Variants in THSD4 observed in about 807,000 individuals in gnomAD.
THSD4 encodes thrombospondin type 1 domain containing 4.
THSD4 carries 69 observed loss-of-function variants against 119.0 expected under a neutral mutation model. The ratio of observed to expected loss-of-function variants is 0.58; its 90% CI spans 0.48 to 0.71. The LOEUF is 0.71. Among genes scored for constraint, THSD4 ranks in the 30% least tolerant of loss-of-function variants. The probability of loss-of-function intolerance (pLI) is 0.00; values close to 1 mark genes in which losing one functional copy is unlikely to be tolerated. For synonymous variants in THSD4, 524 were observed against 540.4 expected (o/e 0.97, Z 0.42); for missense variants, 1,393 against 1,391.1 (o/e 1.00, Z -0.02).
intron 6 of THSD4, among the ~76,000 whole-genome samples, chr15:71,362,278 C>CA (rs1340918673): frequency 6.6e-6 from 1 of 151,838 alleles, no homozygotes; most frequent in Non-Finnish European, 1.5e-5. Context: ...GACTAAGTCT[C>CA]AAAAAAAATT....
At chr15:71,746,762 C>A in intron 12 of THSD4, 76 bp from the exon 13 acceptor site, 2 of 1,449,428 alleles carry the variant, frequency 1.4e-6, no homozygotes, top group South Asian at 2.3e-5. Context: ...ATTCTGTGTA[C>A]GCTGCTGCGG....
At chr15:71,192,721 T>C (rs1315029423) in intron 3 of THSD4, among the ~76,000 whole-genome samples, 1 of 152,194 alleles carries the variant, frequency 6.6e-6, no homozygotes, top group Non-Finnish European at 1.5e-5. Flanking sequence ...CATGCTTCCT[T>C]GCTAGAGCTG....
At chr15:71,644,870 G>C (rs932368450) in intron 7 of THSD4, among the ~76,000 whole-genome samples, 3 of 152,030 alleles carry the variant, frequency 2.0e-5, no homozygotes, top group African/African-American at 7.2e-5. Flanking sequence ...CCTCAGCTCA[G>C]GGGTAATGCC....
intron 7 of THSD4, among the ~76,000 whole-genome samples, chr15:71,550,281 C>G (rs2048907240): frequency 6.6e-6 from 1 of 152,162 alleles, no homozygotes. Context: ...GGGAGGCTTG[C>G]ATTTTCTTTC....
chr15:71,563,338 A>G (rs1183475421), intron 7 of THSD4, among the ~76,000 whole-genome samples: 1 of 152,102 alleles, frequency 6.6e-6, no homozygotes, highest in Non-Finnish European at 1.5e-5. Flanking sequence ...CTCTGTTAGT[A>G]CCCTGAAGGC....
chr15:71,370,825 C>T lies in THSD4; in HGVS notation c.1016-40862C>T, dbSNP rs187918858. Among the ~76,000 whole-genome samples the T allele has an allele frequency of 1.1e-4, 16 of 152,290 alleles. No individual in the cohort carries two copies. In the East Asian group the frequency reaches 2.9e-3, roughly 28 times the overall value. Reference sequence around the variant, plus strand: ...CTTGGTGCAGAGCTGAGTTCAATTCCTGGATATCCTTGTTAACTTTGTCTC... The same window carrying T: ...CTTGGTGCAGAGCTGAGTTCAATTCTTGGATATCCTTGTTAACTTTGTCTC... On this transcript the variant is annotated intron_variant, in intron 6 of 17. Transcript: ENST00000261862.
intron 1 of THSD4, among the ~76,000 whole-genome samples, chr15:71,118,995 C>T (rs1013846327): frequency 3.3e-5 from 5 of 152,224 alleles, no homozygotes; most frequent in African/African-American, 7.2e-5. Flanking sequence ...CTTCTGTGCC[C>T]ACAGCCTCGC....
intron 16 of THSD4, 152 bp from the exon 17 acceptor site, chr15:71,770,912 T>G: frequency 8.8e-7 from 1 of 1,131,864 alleles, no homozygotes; most frequent in East Asian, 2.5e-5. Context: ...GAGTTGCTGA[T>G]TGTTGAAGCT....
chr15:71,582,516 A>G (rs2049579354), intron 7 of THSD4, among the ~76,000 whole-genome samples: 1 of 151,964 alleles, frequency 6.6e-6, no homozygotes, highest in African/African-American at 2.4e-5. Context: ...GTTCAGTATT[A>G]TGTTGAATAG....
intron 7 of THSD4, among the ~76,000 whole-genome samples, chr15:71,521,623 G>A (rs28628269): frequency 0.057 from 8,680 of 152,190 alleles, 707 homozygotes; most frequent in African/African-American, 0.18. Context: ...CCAAATGGCC[G>A]TGAGTAAGAA....
At chr15:71,677,304 G>A (rs993673933) in intron 8 of THSD4, among the ~76,000 whole-genome samples, 1 of 152,286 alleles carries the variant, frequency 6.6e-6, no homozygotes. Flanking sequence ...TGGTAGATGA[G>A]GAAAGTGATC....
chr15:71,323,989 G>A (rs144307440), intron 6 of THSD4, among the ~76,000 whole-genome samples: 47 of 152,146 alleles, frequency 3.1e-4, no homozygotes, highest in African/African-American at 1.0e-3. Flanking sequence ...TTTCTCATGC[G>A]GCACTCATCT....
intron 7 of THSD4, among the ~76,000 whole-genome samples, chr15:71,555,971 CTA>C (rs1396786609): frequency 1.3e-5 from 2 of 152,116 alleles, no homozygotes; most frequent in African/African-American, 4.8e-5. Flanking sequence ...ATATATATGT[CTA>C]TCTTTTTCTG....
intron 6 of THSD4, among the ~76,000 whole-genome samples, chr15:71,409,914 C>G (rs2140499574): frequency 1.3e-5 from 2 of 150,728 alleles, no homozygotes; most frequent in South Asian, 4.2e-4. Context: ...TTTTTACATA[C>G]AGTGTGTACT....
At chr15:71,393,414 A>G (rs1307903272) in intron 6 of THSD4, among the ~76,000 whole-genome samples, 1 of 151,998 alleles carries the variant, frequency 6.6e-6, no homozygotes, top group Non-Finnish European at 1.5e-5. Context: ...ATGTAAATCC[A>G]ATGAGCCTTC....
At chr15:71,384,154 C>T (rs7170912) in intron 6 of THSD4, among the ~76,000 whole-genome samples, 24,635 of 152,088 alleles carry the variant, frequency 0.16, 2,254 homozygotes, top group Admixed American at 0.24. Context: ...CCGAGGCGGG[C>T]GGATCACGAT....
At position 71,377,877 on chromosome 15, in the gene THSD4, C is replaced by CACACACACACACACACACACACAA. The variant is rs2046164074; in HGVS notation, c.1016-33787_1016-33786insAACACACACACACACACACACACA. On this transcript the variant is annotated intron_variant, in intron 6 of 17. Coordinates refer to ENST00000261862, the MANE Select transcript of THSD4 (RefSeq NM_024817.3). ...CCCGGACATATCCACAACACACACA[C>CACACACACACACACACACACACAA]ACACACACACACACACACACACACA... Among the ~76,000 whole-genome samples the CACACACACACACACACACACACAA allele has an allele frequency of 5.3e-5, 4 of 75,700 alleles. 1 individual carries two copies. Among genetic ancestry groups the CACACACACACACACACACACACAA allele is most frequent in the South Asian group, 4.5e-4 (1 of 2,206 alleles). 49.7% of individuals were successfully genotyped at this position (75,700 alleles called of 152,430 possible).
chr15:71,763,817 C>G (rs1426614969), intron 15 of THSD4, among the ~76,000 whole-genome samples: 1 of 150,674 alleles, frequency 6.6e-6, no homozygotes, highest in Non-Finnish European at 1.5e-5. Flanking sequence ...GTAATCCCAG[C>G]ACTTTGAGAG....
chr15:71,608,275 C>CACACACAT (rs2050155298), intron 7 of THSD4, among the ~76,000 whole-genome samples: 1 of 143,878 alleles, frequency 7.0e-6, no homozygotes, highest in African/African-American at 2.5e-5. Context: ...CACACACACA[C>CACACACAT]ACACACACTC....
Sources: gnomAD v4.1 joint callset for allele counts (sites outside exome capture counted in the v4.1 genomes callset) on GRCh38, gnomAD v4.1.1 for gene constraint, MANE v1.5 for transcripts, NCBI Gene and HGNC (gene_info 2026-07-23, HGNC 2026-07-21) for gene names.